Variants in NRK observed in about 807,000 individuals in gnomAD.
NRK encodes nik-related protein kinase.
Under a neutral mutation model 125.2 loss-of-function variants are expected in NRK, and 67 were observed. The observed-to-expected ratio is 0.54, with a 90% CI of 0.44 to 0.66. NRK has a LOEUF of 0.66. NRK is among the 30% of genes least tolerant of loss of function. NRK has a pLI of 0.00. For missense variants in NRK, 1,224 were observed against 1,192.9 expected (o/e 1.03, Z -0.38); for synonymous variants, 458 against 429.0 (o/e 1.07, Z -0.84).
chrX:105,836,688 A>G (rs748468569), intron 2 of NRK, among the ~76,000 whole-genome samples: 22 of 112,453 alleles, frequency 2.0e-4, no homozygotes, highest in African/African-American at 7.1e-4. Flanking sequence ...ACATTGCAGA[A>G]GAAAAGTAGC....
chrX:105,864,581 C>CACAT (rs1197782444), intron 2 of NRK, among the ~76,000 whole-genome samples: 2 of 109,370 alleles, frequency 1.8e-5, no homozygotes, highest in African/African-American at 6.6e-5. Context: ...CATACACATA[C>CACAT]ACACACACAC....
Position 105,912,750 on chromosome X carries a change from A to G in NRK, c.2344A>G (p.Ile782Val), listed in dbSNP as rs748073147. 8.0e-6 allele frequency: 8 copies of G among 1,001,830 alleles called. No individual in the cohort carries two copies. In the Admixed American group the frequency reaches 2.4e-4, roughly 30 times the overall value. The allele number at this position is 1,001,830 out of a possible 1,213,427, so 82.6% of individuals were successfully genotyped here. The change falls in exon 14 of 29, where the codon ATT becomes GTT. Residue 782 changes from isoleucine (I) to valine (V), a missense_variant. Transcript: ENST00000243300. ...GCCATACATTTCAAATCCTAAAAAA[A>G]TTGAGGTAAATTTTTCAATATGAGT... ...LKPYISNPKK[I>V]EVQERSPSVP...
chrX:105,848,600 T>C (rs1021340394), intron 2 of NRK, among the ~76,000 whole-genome samples: 6 of 112,339 alleles, frequency 5.3e-5, no homozygotes, highest in African/African-American at 1.9e-4. Context: ...AGGAGGCTTA[T>C]TGATGTTCAT....
At chrX:105,827,616 A>G (rs1361412304) in intron 1 of NRK, among the ~76,000 whole-genome samples, 1 of 111,813 alleles carries the variant, frequency 8.9e-6, no homozygotes, top group African/African-American at 3.3e-5. Context: ...ACGACTCCCC[A>G]GAATTTGAGA....
At chrX:105,912,513 T>G (rs2147753037) in intron 13 of NRK, 135 bp from the exon 14 acceptor site, 1 of 204,047 alleles carries the variant, frequency 4.9e-6, no homozygotes, top group African/African-American at 3.0e-5. Context: ...GATATTATTC[T>G]TTTAAATTGT....
At chrX:105,914,627 G>T (rs2147755582) in intron 14 of NRK, among the ~76,000 whole-genome samples, 1 of 109,276 alleles carries the variant, frequency 9.2e-6, no homozygotes, top group South Asian at 4.0e-4. Flanking sequence ...TAAGCCAAAA[G>T]TCCCCGACTG....
chrX:105,924,659 C>T (rs781541683), intron 18 of NRK, 36 bp from the exon 19 acceptor site: 26 of 1,099,089 alleles, frequency 2.4e-5, no homozygotes, highest in Non-Finnish European at 2.9e-5. Context: ...GTTTTTATTG[C>T]GTGACTTTCT....
Position 105,840,855 on chromosome X carries a change from G to GTA in NRK, c.123+9751_123+9752dup, listed in dbSNP as rs752523135. Among the ~76,000 whole-genome samples the GTA allele has an allele frequency of 5.7e-3, 571 of 99,861 alleles. 1 individual carries two copies. The highest frequency in any genetic ancestry group is 0.036 in the East Asian group (124 of 3,411). The allele number at this position is 99,861 out of a possible 115,157, so 86.7% of individuals were successfully genotyped here. On this transcript the variant is annotated intron_variant, in intron 2 of 28. Coordinates refer to ENST00000243300, the MANE Select transcript of NRK (RefSeq NM_198465.4). ...TGTATGTATGTGTCTGTGTGTGTGT[G>GTA]TATATATATATATATACATAGAGAG... is the stretch of plus-strand genomic sequence containing the variant.
At chrX:105,947,999 G>A (rs973059883) in intron 26 of NRK, among the ~76,000 whole-genome samples, 5 of 111,682 alleles carry the variant, frequency 4.5e-5, no homozygotes, top group African/African-American at 1.3e-4. Flanking sequence ...CCACTTAAAC[G>A]TGAGGTCAAG....
chrX:105,866,776 T>C (rs2039677061), intron 2 of NRK, among the ~76,000 whole-genome samples: 1 of 112,392 alleles, frequency 8.9e-6, no homozygotes, highest in Non-Finnish European at 1.9e-5. Flanking sequence ...ACATATCAAA[T>C]GATAAGATTA....
intron 23 of NRK, among the ~76,000 whole-genome samples, chrX:105,942,632 C>A (rs933146451): frequency 1.8e-5 from 2 of 110,035 alleles, no homozygotes; most frequent in African/African-American, 6.6e-5. Flanking sequence ...GTCTTTTTTT[C>A]TTTTGAGGCA....
chrX:105,823,645 G>A (rs751191903), intron 1 of NRK, among the ~76,000 whole-genome samples: 1 of 110,657 alleles, frequency 9.0e-6, no homozygotes, highest in East Asian at 2.8e-4. Context: ...TCCCTCTAGA[G>A]TTGTAATTGA....
In NRK at chrX:105,909,536, C is replaced by A. The variant is rs2040267801; in HGVS notation, c.1895C>A (p.Ala632Glu). 3.3e-6 allele frequency: 4 copies of A among 1,209,898 alleles called. No individual in the cohort carries two copies. The highest frequency in any genetic ancestry group is 4.5e-6 in the Non-Finnish European group (4 of 894,519). ...GCTTGGACACTAGAACCCCCACAGG[C>A]AATTGGCTCAGTTCAAGCACTGATA... Reference protein sequence around the residue: ...AQAWTLEPPQAIGSVQALIEG... With the variant: ...AQAWTLEPPQEIGSVQALIEG... Residue 632 changes from alanine to glutamate, a missense_variant, in exon 13 of 29, where the codon GCA (alanine) becomes GAA (glutamate). By Grantham distance (107) the Ala-to-Glu change is moderately radical. Transcript: ENST00000243300.
At chrX:105,836,112 AC>A (rs985763942) in intron 2 of NRK, among the ~76,000 whole-genome samples, 2 of 111,645 alleles carry the variant, frequency 1.8e-5, no homozygotes, top group African/African-American at 6.5e-5. Flanking sequence ...CTTTCTCCAG[AC>A]CTCAGCCTAG....
intron 11 of NRK, chrX:105,907,634 T>C (rs991627707): frequency 8.9e-6 from 1 of 112,246 alleles, no homozygotes; most frequent in Non-Finnish European, 1.9e-5. Flanking sequence ...TTCCAAAATG[T>C]TACCTGTAGG....
chrX:105,910,345 G>T (rs377600451), intron 13 of NRK, among the ~76,000 whole-genome samples: 1 of 111,864 alleles, frequency 8.9e-6, no homozygotes, highest in Non-Finnish European at 1.9e-5. Context: ...ACTCATTTTT[G>T]TACTACAGGA....
At chrX:105,827,321 T>C (rs1010535178) in intron 1 of NRK, among the ~76,000 whole-genome samples, 2 of 112,267 alleles carry the variant, frequency 1.8e-5, no homozygotes, top group African/African-American at 6.5e-5. Flanking sequence ...GCAGTCTCCT[T>C]CTTTTTGCAG....
chrX:105,834,625 T>C (rs1173699371), intron 2 of NRK, among the ~76,000 whole-genome samples: 1 of 111,414 alleles, frequency 9.0e-6, no homozygotes, highest in Non-Finnish European at 1.9e-5. Context: ...TCTTCTTCTT[T>C]TGGAAATCCA....
In NRK at chrX:105,908,926, C is replaced by G; in HGVS notation, c.1285C>G (p.Leu429Val). 1.7e-6 allele frequency: 2 copies of G among 1,210,744 alleles called. No homozygotes were observed. Among genetic ancestry groups the G allele is most frequent in the Non-Finnish European group, 2.2e-6 (2 of 894,758 alleles). Residue 429 changes from leucine to valine, a missense_variant, in exon 13 of 29, where the codon CTA becomes GTA. Physicochemically the swap from Leu to Val is conservative, Grantham distance 32 (BLOSUM62 1). Coordinates refer to ENST00000243300, the MANE Select transcript of NRK (RefSeq NM_198465.4). ...LQALDSAPKP[L>V]KGQAQAPQRL... ...GGCTCTGGACAGTGCACCTAAGCCT[C>G]TAAAGGGGCAGGCTCAGGCACCTCA...
Sources: gnomAD v4.1 joint callset for allele counts (sites outside exome capture counted in the v4.1 genomes callset) on GRCh38, gnomAD v4.1.1 for gene constraint, MANE v1.5 for transcripts, NCBI Gene and HGNC (gene_info 2026-07-23, HGNC 2026-07-21) for gene names.